Variants in LUZP2 observed in about 807,000 individuals in gnomAD.
LUZP2 encodes the protein leucine zipper protein 2.
Under a neutral mutation model 51.6 loss-of-function variants are expected in LUZP2, and 52 were observed. That is an observed-to-expected ratio of 1.01 (90% CI 0.81 to 1.27). LUZP2 has a LOEUF of 1.27. LUZP2 is among the 50% of genes most tolerant of loss of function. LUZP2 has a pLI of 0.00. For missense variants in LUZP2, 436 were observed against 395.4 expected (o/e 1.10, Z -0.87); for synonymous variants, 154 against 137.3 (o/e 1.12, Z -0.85).
chr11:24,615,923 A>G (rs1284806267), intron 1 of LUZP2, among the ~76,000 whole-genome samples: 2 of 151,240 alleles, frequency 1.3e-5, no homozygotes, highest in Non-Finnish European at 2.9e-5. Flanking sequence ...AATGATGAAC[A>G]TTTTGTCATG....
intron 1 of LUZP2, among the ~76,000 whole-genome samples, chr11:24,574,003 A>G (rs61877887): frequency 0.58 from 87,684 of 151,198 alleles, 26,119 homozygotes; most frequent in East Asian, 0.8. Flanking sequence ...AGCATTAGGT[A>G]TATCTCCTAA....
intron 5 of LUZP2, among the ~76,000 whole-genome samples, chr11:24,791,740 G>A (rs1156713188): frequency 1.3e-5 from 2 of 152,080 alleles, no homozygotes; most frequent in Non-Finnish European, 2.9e-5. Flanking sequence ...AGGACAGAAG[G>A]AGATTATTTA....
chr11:24,667,094 C>T (rs1178651177), intron 1 of LUZP2, among the ~76,000 whole-genome samples: 1 of 151,980 alleles, frequency 6.6e-6, no homozygotes, highest in Non-Finnish European at 1.5e-5. Context: ...TTAAGCATTA[C>T]TAATATTGCC....
intron 5 of LUZP2, among the ~76,000 whole-genome samples, chr11:24,816,117 C>CT (rs1350509358): frequency 2.6e-5 from 4 of 151,476 alleles, no homozygotes; most frequent in Non-Finnish European, 4.4e-5. Context: ...TTATATTTAG[C>CT]TTTTATAATG....
chr11:24,808,167 A>C (rs1849908838), intron 5 of LUZP2, among the ~76,000 whole-genome samples: 1 of 152,222 alleles, frequency 6.6e-6, no homozygotes, highest in African/African-American at 2.4e-5. Context: ...TTGCGGAGTT[A>C]CTTGTTAATT....
intron 1 of LUZP2, among the ~76,000 whole-genome samples, chr11:24,644,406 G>A (rs1168634786): frequency 6.6e-6 from 1 of 151,946 alleles, no homozygotes; most frequent in Non-Finnish European, 1.5e-5. Flanking sequence ...ACTGCACAAT[G>A]TAGAGGACAT....
chr11:24,997,150 G>A (rs1277558274), intron 9 of LUZP2, among the ~76,000 whole-genome samples: 3 of 149,996 alleles, frequency 2.0e-5, no homozygotes, highest in South Asian at 2.2e-4. Context: ...GGGATGGCTG[G>A]GTCAAATGGT....
chr11:24,509,629 T>A (rs1288893664), intron 1 of LUZP2, among the ~76,000 whole-genome samples: 1 of 150,068 alleles, frequency 6.7e-6, no homozygotes. Context: ...ATATAACATA[T>A]TATATGTTAT....
chr11:24,895,888 C>A (rs1029027232), intron 5 of LUZP2, among the ~76,000 whole-genome samples: 1 of 152,150 alleles, frequency 6.6e-6, no homozygotes, highest in Non-Finnish European at 1.5e-5. Flanking sequence ...CGGTAGTTCC[C>A]TTTTAAGTTC....
chr11:24,925,503 T>G (rs1356048870), intron 7 of LUZP2, among the ~76,000 whole-genome samples: 3 of 152,128 alleles, frequency 2.0e-5, no homozygotes, highest in African/African-American at 7.2e-5. Flanking sequence ...CTTTGTAGCC[T>G]TATTCCTTGC....
chr11:24,910,261 A>T lies in LUZP2; in HGVS notation c.459+4208A>T, dbSNP rs537689845. 3.3e-5 allele frequency among the ~76,000 whole-genome samples: 5 copies of T among 152,226 alleles called. No homozygotes were observed. The South Asian group carries it at 1.0e-3, about 31-fold the overall frequency. ...CTGACAATGCAATAAAAAAAAAGAA[A>T]GAAAACATTTTCTGGAGAGCAATTC... On this transcript the variant is annotated intron_variant, in intron 6 of 11. Coordinates refer to ENST00000336930, the MANE Select transcript of LUZP2 (RefSeq NM_001009909.4).
intron 1 of LUZP2, among the ~76,000 whole-genome samples, chr11:24,628,212 T>TAC (rs34309953): frequency 0.018 from 2,670 of 150,120 alleles, 79 homozygotes; most frequent in African/African-American, 0.06. Context: ...CACCCATGCA[T>TAC]ACACACACAC....
intron 7 of LUZP2, among the ~76,000 whole-genome samples, chr11:24,960,837 T>G (rs1855372222): frequency 6.6e-6 from 1 of 152,170 alleles, no homozygotes; most frequent in Admixed American, 6.6e-5. Flanking sequence ...AATTGTGATG[T>G]TAGGGTGTCA....
chr11:24,977,112 A>G (rs564490710), intron 8 of LUZP2, among the ~76,000 whole-genome samples: 1 of 151,914 alleles, frequency 6.6e-6, no homozygotes, highest in Non-Finnish European at 1.5e-5. Flanking sequence ...AAACATGCAC[A>G]AGAACACTGA....
intron 9 of LUZP2, among the ~76,000 whole-genome samples, chr11:24,996,572 TTTTTATTTTATTTTATTTTATTTTA>T (rs67696322): frequency 0.028 from 3,676 of 132,624 alleles, 64 homozygotes; most frequent in South Asian, 0.093. Context: ...CTTTTTTCTT[TTTTTATTTTATTTTATTTTATTTTA>T]TTTTATTTTA....
chr11:24,779,191 A>G (rs1849021335), intron 5 of LUZP2, among the ~76,000 whole-genome samples: 1 of 152,200 alleles, frequency 6.6e-6, no homozygotes, highest in East Asian at 1.9e-4. Context: ...TTTTAAAATA[A>G]AACATTATTT....
intron 9 of LUZP2, among the ~76,000 whole-genome samples, chr11:25,025,816 T>A (rs193101324): frequency 0.021 from 3,171 of 152,240 alleles, 52 homozygotes; most frequent in South Asian, 0.082. Context: ...GGATTATAAA[T>A]CATGCTGCTA....
intron 3 of LUZP2, among the ~76,000 whole-genome samples, chr11:24,737,197 G>T (rs12099080): frequency 6.6e-6 from 1 of 151,972 alleles, no homozygotes; most frequent in Non-Finnish European, 1.5e-5. Context: ...CTTTGCTTAC[G>T]TTCTGTCGTC....
Position 24,705,808 on chromosome 11 carries a change from A to G in LUZP2, c.63-23361A>G, listed in dbSNP as rs76086121. ...GGCTATTAATTTAATCTATGTAAAC[A>G]TCACTCATAATCTGTGATGCACATT... On this transcript the variant is annotated intron_variant, in intron 1 of 11. Coordinates refer to ENST00000336930, the MANE Select transcript of LUZP2 (RefSeq NM_001009909.4). 0.011 allele frequency among the ~76,000 whole-genome samples: 1,653 copies of G among 152,324 alleles called. 58 individuals carry two copies. The East Asian group carries it at 0.13, about 12-fold the overall frequency.
Sources: gnomAD v4.1 joint callset for allele counts (sites outside exome capture counted in the v4.1 genomes callset) on GRCh38, gnomAD v4.1.1 for gene constraint, MANE v1.5 for transcripts, NCBI Gene and HGNC (gene_info 2026-07-23, HGNC 2026-07-21) for gene names.